The following USP25 variants were observed in gnomAD, a reference collection of about 807,000 sequenced individuals.
USP25 encodes the protein ubiquitin carboxyl-terminal hydrolase 25.
Under a neutral mutation model 158.5 loss-of-function variants are expected in USP25, and 85 were observed. That is an observed-to-expected ratio of 0.54 (90% CI 0.45 to 0.64). The LOEUF (loss-of-function observed/expected upper bound fraction) is 0.64. Ranked by LOEUF, USP25 falls within the 30% of genes least tolerant of loss-of-function variation. The pLI, the probability that USP25 is intolerant of heterozygous loss-of-function variation, is 0.00. For missense variants in USP25, 1,242 were observed against 1,327.3 expected, an observed-to-expected ratio of 0.94 and a Z score of 1.00; for synonymous variants, 464 against 460.4, an observed-to-expected ratio of 1.01 and a Z score of -0.10.
At chr21:15,823,939 T>G in intron 10 of USP25, 100 bp from the exon 11 acceptor site, 1 of 1,181,210 alleles carries the variant, frequency 8.5e-7, no homozygotes, top group Non-Finnish European at 1.2e-6. Flanking sequence ...ATTGTGGTGA[T>G]ACATATAACA....
At chr21:15,797,723 G>A (rs2035929198) in intron 5 of USP25, among the ~76,000 whole-genome samples, 1 of 151,080 alleles carries the variant, frequency 6.6e-6, no homozygotes, top group South Asian at 2.1e-4. Flanking sequence ...AATAGTCCAT[G>A]GTTTGTCTCC....
chr21:15,857,589 TGA>T (rs1299493011), intron 20 of USP25, among the ~76,000 whole-genome samples: 3 of 152,154 alleles, frequency 2.0e-5, no homozygotes, highest in Non-Finnish European at 2.9e-5. Flanking sequence ...TTTATTACAC[TGA>T]GTTTCTTTTA....
At chr21:15,745,451 A>G (rs1048977488) in intron 1 of USP25, among the ~76,000 whole-genome samples, 1 of 126,668 alleles carries the variant, frequency 7.9e-6, no homozygotes, top group African/African-American at 2.9e-5. Flanking sequence ...TACTTTAACC[A>G]TTTTCTTTTT....
At chr21:15,764,870 A>G (rs1568775053) in intron 2 of USP25, among the ~76,000 whole-genome samples, 1 of 152,108 alleles carries the variant, frequency 6.6e-6, no homozygotes, top group Admixed American at 6.6e-5. Flanking sequence ...ACTGACTGCT[A>G]CAACTGGAAT....
In USP25 at chr21:15,831,529, A is replaced by T; in HGVS notation, c.1893A>T (p.Ser631=). 1 of 1,614,144 alleles carries T rather than the reference A, an allele frequency of 6.2e-7. No individual in the cohort carries two copies. Among genetic ancestry groups the T allele is most frequent in the South Asian group, 1.1e-5 (1 of 91,082 alleles). Residue 631 remains serine, a synonymous_variant, in exon 16 of 26, where the codon TCA becomes TCT. Transcript: ENST00000400183. ...ACAATGATATTGCTGTGACAAAATC[A>T]TCATGGGAAGAGCTAGTGAGGGACT... is the stretch of plus-strand genomic sequence containing the variant. ...MKYNDIAVTK[S]SWEELVRDSF...
chr21:15,808,780 A>G, intron 7 of USP25, 29 bp from the exon 8 acceptor site: 1 of 1,562,654 alleles, frequency 6.4e-7, no homozygotes. Context: ...AGTAGGCTCA[A>G]ATATCAACAG....
chr21:15,820,674 ATATCCTTTAGAAAAAGTATTCTTGAATC>A (rs2037186812), intron 10 of USP25, among the ~76,000 whole-genome samples: 1 of 152,014 alleles, frequency 6.6e-6, no homozygotes, highest in South Asian at 2.1e-4. Context: ...TAGTCTTATT[ATATCCTTTAGAAAAAGTATTCTTGAATC>A]TCTAAAAGCC....
In USP25 at chr21:15,874,436, T is replaced by G. The variant is rs2040018992; in HGVS notation, c.2919T>G (p.Ala973=). 6.2e-7 allele frequency: 1 copy of G among 1,610,510 alleles called. No individual in the cohort carries two copies. Residue 973 remains alanine, a synonymous_variant, in exon 24 of 26, where the codon GCT becomes GCG. Coordinates refer to ENST00000400183, the MANE Select transcript of USP25 (RefSeq NM_001283041.3). ...YIDSLLFLIC[A]YQNNKELLSK... The stretch of plus-strand genomic sequence containing the variant: ...ATTCCTTGCTGTTCCTCATCTGTGC[T>G]TATCAGAATAACAAAGAACTCTTGT...
Position 15,843,906 on chromosome 21 carries a change from C to G in USP25, c.2337+1366C>G, listed in dbSNP as rs117310285. 1.3e-5 allele frequency among the ~76,000 whole-genome samples: 2 copies of G among 152,254 alleles called. No homozygotes were observed. The highest frequency in any genetic ancestry group is 3.9e-4 in the East Asian group (2 of 5,184). On this transcript the variant is annotated intron_variant, in intron 18 of 25. Transcript: ENST00000400183. The surrounding 1 kb of genome is among the most constrained non-coding windows in gnomAD (Gnocchi z 4.0). ...TTAGAAAACCAAAAGCATTACTTAG[C>G]TTAATGTAGAATCCTGATTTTAAGT... is the stretch of plus-strand genomic sequence containing the variant.
chr21:15,783,208 G>GA (rs59237764), intron 4 of USP25, among the ~76,000 whole-genome samples: 4,333 of 141,972 alleles, frequency 0.031, 212 homozygotes, highest in African/African-American at 0.1. Context: ...TTCAGAAGAA[G>GA]AAAAAAAAAA....
chr21:15,778,099 A>G, intron 4 of USP25, 72 bp downstream of exon 4: 2 of 1,364,974 alleles, frequency 1.5e-6, no homozygotes, highest in Non-Finnish European at 1.9e-6. Flanking sequence ...GGTTAAATTA[A>G]TTTTAAGAGG....
intron 6 of USP25, among the ~76,000 whole-genome samples, chr21:15,804,802 T>C (rs1271139630): frequency 6.6e-6 from 1 of 152,114 alleles, no homozygotes; most frequent in Non-Finnish European, 1.5e-5. Context: ...CCTTGCTGAA[T>C]GGGAAGTATT....
intron 18 of USP25, among the ~76,000 whole-genome samples, chr21:15,844,411 C>T (rs755369548): frequency 7.9e-5 from 12 of 152,080 alleles, no homozygotes; most frequent in Non-Finnish European, 1.6e-4. Context: ...GTCTTCTTTT[C>T]CATAAAATGA....
chr21:15,848,267 A>G (rs188212920), intron 19 of USP25, among the ~76,000 whole-genome samples: 7 of 152,242 alleles, frequency 4.6e-5, no homozygotes, highest in Non-Finnish European at 1.0e-4. Context: ...CATCACCGTT[A>G]CTGAGTGCCT....
Position 15,816,594 on chromosome 21 carries a change from G to A in USP25, c.932-2104G>A, listed in dbSNP as rs1256059534. ...AAAGGTAGCAGAACCTTAGGACTTTGTTTAGGCCCATTTCTTCTTCCTGTC... is the reference window on the plus strand; with the variant it reads ...AAAGGTAGCAGAACCTTAGGACTTTATTTAGGCCCATTTCTTCTTCCTGTC... On this transcript the variant is annotated intron_variant, in intron 9 of 25. Transcript: ENST00000400183. The surrounding 1 kb of genome is among the most constrained non-coding windows in gnomAD (Gnocchi z 4.0). 6.6e-6 allele frequency among the ~76,000 whole-genome samples: 1 copy of A among 152,024 alleles called. No homozygotes were observed. The highest frequency in any genetic ancestry group is 1.5e-5 in the Non-Finnish European group (1 of 67,992).
chr21:15,751,832 G>A (rs2033035165), intron 1 of USP25, among the ~76,000 whole-genome samples: 1 of 152,128 alleles, frequency 6.6e-6, no homozygotes, highest in African/African-American at 2.4e-5. Flanking sequence ...ATAGTGCTGA[G>A]TAACAGTATT....
At chr21:15,827,480 C>T (rs2037569422) in intron 14 of USP25, among the ~76,000 whole-genome samples, 1 of 152,082 alleles carries the variant, frequency 6.6e-6, no homozygotes, top group Non-Finnish European at 1.5e-5. Flanking sequence ...TTATATCAAA[C>T]TGGTATTCAC....
At chr21:15,854,461 T>A (rs77756848) in intron 20 of USP25, among the ~76,000 whole-genome samples, 5,754 of 152,102 alleles carry the variant, frequency 0.038, 185 homozygotes, top group Admixed American at 0.097. Context: ...TGTTTTTTTT[T>A]AATATCTCTT....
At chr21:15,846,479 T>G (rs1267044486) in intron 18 of USP25, among the ~76,000 whole-genome samples, 4 of 152,018 alleles carry the variant, frequency 2.6e-5, no homozygotes, top group African/African-American at 7.2e-5. Context: ...GTGTTTATTT[T>G]AAAAGGGGCA....
Sources: allele counts gnomAD v4.1 joint callset (sites outside exome capture counted in the v4.1 genomes callset), GRCh38; gene constraint gnomAD v4.1.1; non-coding constraint Gnocchi (gnomAD v3.1); transcripts MANE v1.5; gene names NCBI Gene and HGNC (gene_info 2026-07-23, HGNC 2026-07-21).